LPXN: variants seen among roughly 807,000 people sequenced by gnomAD.
LPXN encodes leupaxin.
In LPXN, 28 loss-of-function variants were observed where a neutral mutation model predicts 45.6. The observed-to-expected ratio is 0.61, with a 90% CI of 0.45 to 0.84. The LOEUF (loss-of-function observed/expected upper bound fraction) is 0.84, where lower values mean the gene tolerates loss of function less well. LPXN is among the 40% of genes least tolerant of loss of function. The probability of loss-of-function intolerance (pLI) is 0.00; values close to 1 mark genes in which losing one functional copy is unlikely to be tolerated. For missense variants in LPXN, 459 were observed against 475.0 expected (o/e 0.97, Z 0.31); for synonymous variants, 166 against 169.9 (o/e 0.98, Z 0.18).
At chr11:58,535,588 C>T (rs1853526323) in intron 7 of LPXN, among the ~76,000 whole-genome samples, 1 of 152,188 alleles carries the variant, frequency 6.6e-6, no homozygotes, top group Non-Finnish European at 1.5e-5. Flanking sequence ...AACCTGGAAG[C>T]ATTCCCTTTG....
intron 7 of LPXN, among the ~76,000 whole-genome samples, chr11:58,532,032 C>T (rs1253466982): frequency 3.9e-5 from 6 of 152,368 alleles, no homozygotes; most frequent in South Asian, 2.1e-4. Context: ...CAGCAGGCCC[C>T]GCACTCAGAG....
chr11:58,546,991 C>T (rs1017177768), intron 7 of LPXN, among the ~76,000 whole-genome samples: 3 of 152,174 alleles, frequency 2.0e-5, no homozygotes, highest in Middle Eastern at 3.4e-3. Context: ...AGGTATAGTT[C>T]TTGATAACCT....
chr11:58,557,988 G>A (rs1041875576), intron 3 of LPXN, among the ~76,000 whole-genome samples: 1 of 151,922 alleles, frequency 6.6e-6, no homozygotes, highest in Non-Finnish European at 1.5e-5. Context: ...ACATTTATGG[G>A]ATAGAACACT....
At chr11:58,531,612 G>C (rs370903844) in intron 7 of LPXN, among the ~76,000 whole-genome samples, 1 of 152,090 alleles carries the variant, frequency 6.6e-6, no homozygotes, top group African/African-American at 2.4e-5. Flanking sequence ...GGGGAGAATG[G>C]AACCAAGCTG....
intron 1 of LPXN, among the ~76,000 whole-genome samples, chr11:58,573,200 C>T (rs1053739375): frequency 1.3e-5 from 2 of 148,222 alleles, no homozygotes; most frequent in African/African-American, 2.5e-5. Flanking sequence ...GAGCCGAGAC[C>T]GTGCCATTGC....
upstream of LPXN, chr11:58,578,330 C>T (rs185736567): frequency 3.1e-5 from 9 of 287,074 alleles, no homozygotes; most frequent in Middle Eastern, 3.2e-3. Context: ...TAGAACCTCC[C>T]GGCATCCTCT....
At chr11:58,547,683 G>A (rs920034490) in intron 7 of LPXN, among the ~76,000 whole-genome samples, 7 of 152,104 alleles carry the variant, frequency 4.6e-5, no homozygotes. Context: ...AAAAAGAGAG[G>A]GAGTGGCTGT....
At chr11:58,539,938 T>C (rs1853664420) in intron 7 of LPXN, among the ~76,000 whole-genome samples, 1 of 152,172 alleles carries the variant, frequency 6.6e-6, no homozygotes, top group Non-Finnish European at 1.5e-5. Flanking sequence ...AACTTTAAAA[T>C]AGAGGGATCG....
At position 58,554,977 on chromosome 11, in the gene LPXN, C is replaced by A; in HGVS notation, c.219-37G>T. 3.0e-6 allele frequency: 4 copies of A among 1,311,750 alleles called. No homozygotes were observed. The South Asian group carries it at 4.7e-5, about 15-fold the overall frequency. The allele number at this position is 1,311,750 out of a possible 1,614,324, so 81.3% of individuals were successfully genotyped here. A position where few individuals can be genotyped will look rare whatever the true frequency, so the allele number is the denominator to read the frequency against. On this transcript the variant is annotated intron_variant, in intron 3 of 8. Coordinates refer to ENST00000395074, the MANE Select transcript of LPXN (RefSeq NM_004811.3). ...AAACAAAAAAGTCATATGAACAAAT[C>A]AAAACTCAAATAATGTTAAACCACA...
chr11:58,577,580 G>T (rs1168211509), upstream of LPXN, among the ~76,000 whole-genome samples: 2 of 152,200 alleles, frequency 1.3e-5, no homozygotes. Flanking sequence ...AAAGAAATGG[G>T]AGAGGCCCAC....
chr11:58,567,427 A>T (rs1854557537), intron 2 of LPXN, among the ~76,000 whole-genome samples: 1 of 152,234 alleles, frequency 6.6e-6, no homozygotes, highest in Non-Finnish European at 1.5e-5. Context: ...TAAGGAAATT[A>T]TTATAAAAAA....
chr11:58,536,420 A>G (rs1165682716), intron 7 of LPXN, among the ~76,000 whole-genome samples: 1 of 152,212 alleles, frequency 6.6e-6, no homozygotes, highest in Non-Finnish European at 1.5e-5. Context: ...AGGATTCCCT[A>G]TTTAATAAAT....
In LPXN at chr11:58,527,265, A is replaced by C. The variant is rs1853251669; in HGVS notation, c.*189T>G. The C allele has an allele frequency of 8.3e-6, 5 of 598,994 alleles. No individual in the cohort carries two copies. Among genetic ancestry groups the C allele is most frequent in the Non-Finnish European group, 1.5e-5 (5 of 342,328 alleles). The allele number at this position is 598,994 out of a possible 1,614,324, so 37.1% of individuals were successfully genotyped here. On this transcript the variant is annotated 3_prime_UTR_variant, in exon 9 of 9. Coordinates refer to ENST00000395074, the MANE Select transcript of LPXN (RefSeq NM_004811.3). ...AAAGAGAATTTATAGAATTAACTGT[A>C]TAGAAGCCTAAAAAATAAGATTATC...
chr11:58,557,838 C>A (rs1854251642), intron 3 of LPXN, among the ~76,000 whole-genome samples: 1 of 151,954 alleles, frequency 6.6e-6, no homozygotes, highest in African/African-American at 2.4e-5. Flanking sequence ...TAAATATGCA[C>A]AATAAAATTT....
chr11:58,547,066 T>C (rs970801338), intron 7 of LPXN, among the ~76,000 whole-genome samples: 15 of 151,904 alleles, frequency 9.9e-5, no homozygotes, highest in Non-Finnish European at 1.5e-5. Context: ...TTGGCATTAG[T>C]GAGATGCAGT....
chr11:58,531,880 C>T (rs1332328943), intron 7 of LPXN, among the ~76,000 whole-genome samples: 2 of 152,278 alleles, frequency 1.3e-5, no homozygotes, highest in Admixed American at 6.5e-5. Context: ...TGCCGCTGCA[C>T]TGTGGGAGCC....
At chr11:58,556,184 C>T (rs1022179443) in intron 3 of LPXN, among the ~76,000 whole-genome samples, 1 of 151,792 alleles carries the variant, frequency 6.6e-6, no homozygotes, top group African/African-American at 2.4e-5. Context: ...TTTAACAAGT[C>T]ATGGCTAGGT....
At chr11:58,561,099 A>G (rs1014105774) in intron 3 of LPXN, among the ~76,000 whole-genome samples, 1 of 152,080 alleles carries the variant, frequency 6.6e-6, no homozygotes, top group African/African-American at 2.4e-5. Flanking sequence ...AACCCACCAA[A>G]CCAAAACCCT....
At position 58,564,179 on chromosome 11, in the gene LPXN, T is replaced by C. The variant is rs1398095532; in HGVS notation, c.194A>G (p.Asn65Ser). The C allele has an allele frequency of 6.2e-7, 1 of 1,603,600 alleles. No individual in the cohort carries two copies. The highest frequency in any genetic ancestry group is 1.7e-5 in the Admixed American group (1 of 58,358). Reference protein sequence around the residue: ...PLPAQLVYTTNIQELNVYSEA... With the variant: ...PLPAQLVYTTSIQELNVYSEA... ...CCTGTAGACATTGAGCTCCTGGATATTGGTAGTATACACGAGCTGCGCCTA... is the reference window on the plus strand; with the variant it reads ...CCTGTAGACATTGAGCTCCTGGATACTGGTAGTATACACGAGCTGCGCCTA... The change falls in exon 3 of 9, where the codon AAT (asparagine) becomes AGT (serine). Residue 65 changes from asparagine to serine, a missense_variant. Asn to Ser is a conservative substitution (Grantham distance 46). Transcript: ENST00000395074.
Sources: allele counts gnomAD v4.1 joint callset (sites outside exome capture counted in the v4.1 genomes callset), GRCh38; gene constraint gnomAD v4.1.1; transcripts MANE v1.5; gene names NCBI Gene and HGNC (gene_info 2026-07-23, HGNC 2026-07-21).